The following PRDM16 variants were observed in gnomAD, a reference collection of about 807,000 sequenced individuals.
The protein encoded by PRDM16 is PR/SET domain 16, also known as histone-lysine N-methyltransferase PRDM16.
Under a neutral mutation model 110.6 loss-of-function variants are expected in PRDM16, and 23 were observed. The ratio of observed to expected loss-of-function variants is 0.21; its 90% confidence interval spans 0.15 to 0.29. The LOEUF is 0.29. Among genes scored for constraint, PRDM16 ranks in the 10% least tolerant of loss-of-function variants. The pLI is 1.00. For missense variants in PRDM16, 1,615 were observed against 1,794.3 expected (o/e 0.90, Z 1.81); for synonymous variants, 799 against 781.8 (o/e 1.02, Z -0.37).
chr1:3,079,959 G>C (rs376866364), intron 1 of PRDM16, among the ~76,000 whole-genome samples: 1 of 152,222 alleles, frequency 6.6e-6, no homozygotes, highest in South Asian at 2.1e-4. Context: ...CCTCCGTGGC[G>C]CCAGAGTTGG....
chr1:3,403,314 G>A (rs1377209892), intron 6 of PRDM16, among the ~76,000 whole-genome samples: 6 of 152,192 alleles, frequency 3.9e-5, no homozygotes, highest in Non-Finnish European at 8.8e-5. Flanking sequence ...GCTGCGCTGC[G>A]GGGAGAAACT....
chr1:3,210,467 G>A (rs913861881), intron 2 of PRDM16, among the ~76,000 whole-genome samples: 2 of 152,276 alleles, frequency 1.3e-5, no homozygotes, highest in Non-Finnish European at 2.9e-5. Flanking sequence ...GAGCCTGTGG[G>A]CATCATGGAA....
At chr1:3,426,258 G>A (rs1638602191) in intron 14 of PRDM16, 33 bp downstream of exon 14, 1 of 1,598,668 alleles carries the variant, frequency 6.3e-7, no homozygotes, top group Non-Finnish European at 8.6e-7. Flanking sequence ...GGGAAAGTCT[G>A]GACCCGGCCA....
chr1:3,316,059 A>G (rs923880322), intron 3 of PRDM16, among the ~76,000 whole-genome samples: 1 of 148,984 alleles, frequency 6.7e-6, no homozygotes, highest in African/African-American at 2.5e-5. Flanking sequence ...TCCCGGAGTA[A>G]ATGGGCTCAG....
chr1:3,111,873 A>C (rs1426817511), intron 1 of PRDM16, among the ~76,000 whole-genome samples: 2 of 152,166 alleles, frequency 1.3e-5, no homozygotes, highest in African/African-American at 4.8e-5. Context: ...GCCCTTTGAA[A>C]AGGTGGGCCG....
chr1:3,404,578 C>T (rs1303829428), intron 6 of PRDM16, among the ~76,000 whole-genome samples, 161 bp from the exon 7 acceptor site: 3 of 152,224 alleles, frequency 2.0e-5, no homozygotes, highest in African/African-American at 7.2e-5. Context: ...CCGGCCACGG[C>T]AGAGAGGAGG....
At position 3,417,874 on chromosome 1, in the gene PRDM16, C is replaced by T. The variant is rs2100675906; in HGVS notation, c.2738C>T (p.Ala913Val). The change falls in exon 11 of 17, where the codon GCC (alanine) becomes GTC (valine). Residue 913 changes from alanine (A) to valine (V), a missense_variant. By Grantham distance (64) the Ala-to-Val change is moderately conservative. Coordinates refer to ENST00000270722, the MANE Select transcript of PRDM16 (RefSeq NM_022114.4). ...TMTEKLESFA[A>V]MKADSGSSLQ... is the part of the protein sequence containing the mutation. The stretch of plus-strand genomic sequence containing the variant: ...ACAGAGAAGCTGGAGAGCTTTGCAG[C>T]CATGAAGGCGGACTCGGGCAGCTCC... 1 of 1,613,808 alleles carries T rather than the reference C, an allele frequency of 6.2e-7. No individual in the cohort carries two copies. The highest frequency in any genetic ancestry group is 1.3e-5 in the African/African-American group (1 of 75,048).
At chr1:3,376,091 G>A (rs1642985708) in intron 3 of PRDM16, among the ~76,000 whole-genome samples, 1 of 152,144 alleles carries the variant, frequency 6.6e-6, no homozygotes, top group Admixed American at 6.5e-5. Context: ...CGGTGTCTTG[G>A]TGTTTAGGGG....
intron 1 of PRDM16, among the ~76,000 whole-genome samples, chr1:3,181,323 A>ACACAAGCAGTCTTACACACGCGG (rs1557508712): frequency 3.3e-5 from 1 of 30,596 alleles, no homozygotes. Flanking sequence ...TACACACGCA[A>ACACAAGCAGTCTTACACACGCGG]TCTTACACAA....
intron 4 of PRDM16, among the ~76,000 whole-genome samples, chr1:3,396,025 TCA>T (rs1643380311): frequency 6.6e-6 from 1 of 152,192 alleles, no homozygotes; most frequent in Non-Finnish European, 1.5e-5. Flanking sequence ...ATGTCCTGAC[TCA>T]CTGGCCAGGC....
chr1:3,230,543 G>C (rs1034955430), intron 2 of PRDM16, among the ~76,000 whole-genome samples: 2 of 152,276 alleles, frequency 1.3e-5, no homozygotes, highest in Non-Finnish European at 2.9e-5. Flanking sequence ...AAGTTCGTGT[G>C]CTTCTCCTTG....
At chr1:3,132,693 T>C (rs986721473) in intron 1 of PRDM16, among the ~76,000 whole-genome samples, 3 of 152,174 alleles carry the variant, frequency 2.0e-5, no homozygotes, top group Non-Finnish European at 4.4e-5. Flanking sequence ...CACCTCTGCC[T>C]CCCAAGAGAG....
At chr1:3,130,005 G>A (rs925979036) in intron 1 of PRDM16, among the ~76,000 whole-genome samples, 3 of 152,212 alleles carry the variant, frequency 2.0e-5, no homozygotes, top group African/African-American at 7.2e-5. Context: ...GGCTGGGAGG[G>A]CAGTGCAGGC....
In PRDM16 at chr1:3,244,002, G is replaced by T; in HGVS notation, c.388-85G>T. 1 of 1,385,826 alleles carries T rather than the reference G, an allele frequency of 7.2e-7. No individual in the cohort carries two copies. The highest frequency in any genetic ancestry group is 1.0e-6 in the Non-Finnish European group (1 of 972,970). The allele number at this position is 1,385,826 out of a possible 1,614,324, so 85.8% of individuals were successfully genotyped here. On this transcript the variant is annotated intron_variant, in intron 2 of 16. Coordinates refer to ENST00000270722, the MANE Select transcript of PRDM16 (RefSeq NM_022114.4). This position sits in a 1 kb window ranked among gnomAD's most constrained non-coding sequence, Gnocchi z 4.1. The stretch of plus-strand genomic sequence containing the variant: ...CCACCCTGTGACTTTTGGGGACAGT[G>T]GTTCTGCCCCCACCATTTAGAACCC...
intron 1 of PRDM16, among the ~76,000 whole-genome samples, chr1:3,138,558 C>G (rs963593236): frequency 1.3e-5 from 2 of 152,258 alleles, no homozygotes; most frequent in Non-Finnish European, 2.9e-5. Flanking sequence ...CCTGCCCTCA[C>G]CTGGTACTTG....
At chr1:3,231,742 G>A (rs1639420969) in intron 2 of PRDM16, among the ~76,000 whole-genome samples, 2 of 152,222 alleles carry the variant, frequency 1.3e-5, no homozygotes, top group Non-Finnish European at 2.9e-5. Flanking sequence ...CCTGGACTTG[G>A]TATGGCCTGG....
intron 1 of PRDM16, among the ~76,000 whole-genome samples, chr1:3,179,829 A>G (rs187903794): frequency 6.6e-6 from 1 of 152,266 alleles, no homozygotes; most frequent in East Asian, 1.9e-4. Flanking sequence ...CTGGTTAGAG[A>G]GACGGTTCCC....
At chr1:3,079,609 C>T (rs1008138529) in intron 1 of PRDM16, among the ~76,000 whole-genome samples, 2 of 152,200 alleles carry the variant, frequency 1.3e-5, no homozygotes, top group East Asian at 1.9e-4. Context: ...GCAAATCACC[C>T]GCAGGCTCTT....
rs1042232828 is a variant in PRDM16 at position 3,255,318 on chromosome 1, G to A, written c.438+11181G>A. On this transcript the variant is annotated intron_variant, in intron 3 of 16. Coordinates refer to ENST00000270722, the MANE Select transcript of PRDM16 (RefSeq NM_022114.4). The surrounding 1 kb of genome is among the most constrained non-coding windows in gnomAD (Gnocchi z 4.7). Reference sequence around the variant, plus strand: ...CACCACACTCTTAAATGCAGGAGACGGTTTCCAAATGCAGCCTGCAGACCC... The same window carrying A: ...CACCACACTCTTAAATGCAGGAGACAGTTTCCAAATGCAGCCTGCAGACCC... Among the ~76,000 whole-genome samples the A allele has an allele frequency of 2.6e-5, 4 of 152,180 alleles. No individual in the cohort carries two copies. Among genetic ancestry groups the A allele is most frequent in the South Asian group, 2.1e-4 (1 of 4,830 alleles).
Sources: gnomAD v4.1 joint callset for allele counts (sites outside exome capture counted in the v4.1 genomes callset) on GRCh38, gnomAD v4.1.1 for gene constraint, Gnocchi (gnomAD v3.1) non-coding constraint, MANE v1.5 for transcripts, NCBI Gene and HGNC (gene_info 2026-07-23, HGNC 2026-07-21) for gene names.